DCAF6: variants seen among roughly 807,000 people sequenced by gnomAD.
DCAF6 encodes the protein DDB1 and CUL4 associated factor 6.
DCAF6 carries 54 observed loss-of-function variants against 125.1 expected under a neutral mutation model. The ratio of observed to expected loss-of-function variants is 0.43; its 90% CI spans 0.35 to 0.54. DCAF6 has a LOEUF of 0.54. Ranked by LOEUF, DCAF6 falls within the 20% of genes least tolerant of loss-of-function variation. The pLI, the probability that DCAF6 is intolerant of heterozygous loss-of-function variation, is 0.01. For missense variants in DCAF6, 934 were observed against 1,161.7 expected (o/e 0.80, Z 2.85); for synonymous variants, 371 against 390.4 (o/e 0.95, Z 0.58).
intron 3 of DCAF6, among the ~76,000 whole-genome samples, chr1:167,973,954 T>C (rs1677744005): frequency 6.6e-6 from 1 of 152,210 alleles, no homozygotes; most frequent in African/African-American, 2.4e-5. Context: ...TGTGAGATAT[T>C]GCTAAATTCC....
chr1:168,032,263 A>G (rs531272013), intron 12 of DCAF6, among the ~76,000 whole-genome samples: 3 of 152,328 alleles, frequency 2.0e-5, no homozygotes, highest in East Asian at 3.9e-4. Flanking sequence ...TAAGCACTCA[A>G]TTTTTAGAAT....
At chr1:167,986,451 T>C (rs1009322524) in intron 4 of DCAF6, among the ~76,000 whole-genome samples, 1 of 152,236 alleles carries the variant, frequency 6.6e-6, no homozygotes, top group Non-Finnish European at 1.5e-5. Flanking sequence ...TGAGTTTGAA[T>C]ACCTTTCATA....
Position 167,970,626 on chromosome 1 carries a change from A to T in DCAF6, c.252+3905A>T, listed in dbSNP as rs932516383. ...GGATGACAGCAAGAGCTGATATCTT[A>T]AAAAAAAAAATTATTATCATAAGCC... On this transcript the variant is annotated intron_variant, in intron 3 of 21. Transcript: ENST00000367840. 7.4e-5 allele frequency among the ~76,000 whole-genome samples: 7 copies of T among 95,044 alleles called. No homozygotes were observed. In the East Asian group the frequency reaches 1.1e-3, roughly 14 times the overall value. 62.4% of individuals were successfully genotyped at this position (95,044 alleles called of 152,430 possible).
chr1:167,869,811 G>A, the DCAF6 span, among the ~76,000 whole-genome samples: 1 of 151,938 alleles, frequency 6.6e-6, no homozygotes. Context: ...CGGATTTTGA[G>A]ACGCTAGCCT....
At chr1:167,918,942 GTAT>G in the DCAF6 span, among the ~76,000 whole-genome samples, 1 of 152,152 alleles carries the variant, frequency 6.6e-6, no homozygotes, top group East Asian at 1.9e-4. Context: ...CTGTGCAAAA[GTAT>G]TATTTTAATA....
At chr1:167,981,205 C>G (rs549869491) in intron 4 of DCAF6, among the ~76,000 whole-genome samples, 3 of 152,108 alleles carry the variant, frequency 2.0e-5, no homozygotes, top group Admixed American at 2.0e-4. Flanking sequence ...CGCTCCCGGC[C>G]TCCCCCATGT....
At chr1:167,955,268 T>C (rs1390217178) in intron 2 of DCAF6, among the ~76,000 whole-genome samples, 2 of 152,208 alleles carry the variant, frequency 1.3e-5, no homozygotes, top group Non-Finnish European at 2.9e-5. Context: ...AACATATGCT[T>C]TTATTCTTTT....
chr1:167,895,819 A>G, the DCAF6 span, among the ~76,000 whole-genome samples: 222 of 152,316 alleles, frequency 1.5e-3, no homozygotes, highest in African/African-American at 5.2e-3. Flanking sequence ...AGCACGAATA[A>G]ATGGTTCACT....
intron 1 of DCAF6, among the ~76,000 whole-genome samples, chr1:167,948,676 G>A (rs1425877336): frequency 1.3e-5 from 2 of 151,944 alleles, no homozygotes; most frequent in Admixed American, 1.3e-4. Flanking sequence ...TTTTGAGGTG[G>A]AGTCTCACTC....
intron 2 of DCAF6, among the ~76,000 whole-genome samples, chr1:167,952,569 C>G (rs973323208): frequency 1.3e-5 from 2 of 152,154 alleles, no homozygotes; most frequent in Non-Finnish European, 2.9e-5. Context: ...ACACCATACT[C>G]TCTTGGTTTT....
At chr1:167,925,459 A>ATATC in the DCAF6 span, among the ~76,000 whole-genome samples, 2 of 113,910 alleles carry the variant, frequency 1.8e-5, no homozygotes, top group African/African-American at 7.9e-5. Flanking sequence ...ATATATATAT[A>ATATC]TATATATATA....
At chr1:167,931,270 C>G (rs931180658), upstream of DCAF6, among the ~76,000 whole-genome samples, 4 of 152,162 alleles carry the variant, frequency 2.6e-5, no homozygotes, top group African/African-American at 7.2e-5. Flanking sequence ...AATACAAACT[C>G]TGTGTGGGTG....
intron 2 of DCAF6, among the ~76,000 whole-genome samples, chr1:167,953,715 C>T (rs1192686723): frequency 6.6e-6 from 1 of 151,954 alleles, no homozygotes; most frequent in African/African-American, 2.4e-5. Context: ...TTCTCCGCTG[C>T]AGCCTCCCGA....
chr1:168,064,388 TAG>T (rs1363691056), intron 18 of DCAF6, among the ~76,000 whole-genome samples: 1 of 152,182 alleles, frequency 6.6e-6, no homozygotes, highest in Admixed American at 6.5e-5. Context: ...CCTTCATAAC[TAG>T]AAAGTGTTGT....
intron 2 of DCAF6, among the ~76,000 whole-genome samples, chr1:167,964,027 T>C (rs1343958818): frequency 1.3e-5 from 2 of 152,232 alleles, no homozygotes; most frequent in Non-Finnish European, 2.9e-5. Context: ...TAAGCATAGA[T>C]GATCAAATAC....
chr1:167,882,193 A>G, the DCAF6 span, among the ~76,000 whole-genome samples: 1 of 152,180 alleles, frequency 6.6e-6, no homozygotes, highest in African/African-American at 2.4e-5. Context: ...TTGATTAAGA[A>G]CAGAGTGAAG....
the DCAF6 span, chr1:167,896,780 T>C: frequency 1.1e-6 from 1 of 910,884 alleles, no homozygotes; most frequent in Non-Finnish European, 1.8e-6. Flanking sequence ...GAGAGTATGC[T>C]TTTGACTGAA....
At chr1:167,913,479 A>G in the DCAF6 span, among the ~76,000 whole-genome samples, 1 of 152,308 alleles carries the variant, frequency 6.6e-6, no homozygotes, top group Non-Finnish European at 1.5e-5. Flanking sequence ...TAGCCATGGT[A>G]ATTTTTCTTC....
At chr1:168,011,186 G>A (rs1004926612) in intron 10 of DCAF6, among the ~76,000 whole-genome samples, 1 of 143,874 alleles carries the variant, frequency 7.0e-6, no homozygotes, top group African/African-American at 2.6e-5. Context: ...GCGCGACCTC[G>A]GCTCACTGCA....
Sources: allele counts gnomAD v4.1 joint callset (sites outside exome capture counted in the v4.1 genomes callset), GRCh38; gene constraint gnomAD v4.1.1; transcripts MANE v1.5; gene names NCBI Gene and HGNC (gene_info 2026-07-23, HGNC 2026-07-21).